PCDHGA7: variants seen among roughly 807,000 people sequenced by gnomAD.
The protein encoded by PCDHGA7 is protocadherin gamma subfamily A, 7, also known as protocadherin gamma-A7.
In PCDHGA7, 44 loss-of-function variants were observed where a neutral mutation model predicts 58.3. The observed-to-expected ratio is 0.75, with a 90% CI of 0.59 to 0.97. PCDHGA7 has a LOEUF of 0.97. PCDHGA7 is among the 50% of genes least tolerant of loss of function. The pLI is 0.00. For synonymous variants in PCDHGA7, 516 were observed against 504.2 expected, an observed-to-expected ratio of 1.02 and a Z score of -0.31; for missense variants, 1,266 against 1,188.7, an observed-to-expected ratio of 1.06 and a Z score of -0.96.
chr5:141,489,707 G>A lies in PCDHGA7; in HGVS notation c.2425-5100G>A. 6.2e-7 allele frequency: 1 copy of A among 1,614,194 alleles called. No individual in the cohort carries two copies. Among genetic ancestry groups the A allele is most frequent in the Non-Finnish European group, 8.5e-7 (1 of 1,180,022 alleles). The stretch of plus-strand genomic sequence containing the variant: ...TCTGGGGCACGATTCCCACTGGACA[G>A]TGCCCAGGATCCGGATGTGGGCACC... On this transcript the variant is annotated intron_variant, in intron 1 of 3. Transcript: ENST00000518325. The surrounding 1 kb of genome is among the most constrained non-coding windows in gnomAD (Gnocchi z 4.5).
chr5:141,393,917 C>T (rs1429211009), intron 1 of PCDHGA7: 12 of 1,613,806 alleles, frequency 7.4e-6, no homozygotes, highest in Non-Finnish European at 1.7e-6. Context: ...TAATTGCCTT[C>T]TTGAGTGTGC....
At chr5:141,400,929 A>G (rs1179035412) in intron 1 of PCDHGA7, among the ~76,000 whole-genome samples, 2 of 152,214 alleles carry the variant, frequency 1.3e-5, no homozygotes, top group Non-Finnish European at 2.9e-5. Flanking sequence ...CTGCTAGTAG[A>G]TGTCTTTCTT....
chr5:141,505,143 C>G lies in PCDHGA7; in HGVS notation c.2484-250C>G, dbSNP rs578261428. ...CGCCACTGCACTCCAGCCTGGATGA[C>G]AGAGTAAGACCCTGTCTAAAACAAA... On this transcript the variant is annotated intron_variant, in intron 2 of 3. Coordinates refer to ENST00000518325, the MANE Select transcript of PCDHGA7 (RefSeq NM_018920.4). Among the ~76,000 whole-genome samples the G allele has an allele frequency of 3.3e-5, 5 of 152,290 alleles. No homozygotes were observed. The East Asian group carries it at 7.7e-4, about 24-fold the overall frequency.
intron 1 of PCDHGA7, chr5:141,404,276 G>A (rs754510135): frequency 6.2e-7 from 1 of 1,613,992 alleles, no homozygotes; most frequent in Non-Finnish European, 8.5e-7. Context: ...CACCCTGCAA[G>A]TGACTGACAT....
intron 1 of PCDHGA7, among the ~76,000 whole-genome samples, chr5:141,455,146 A>G (rs2098814943): frequency 6.7e-6 from 1 of 149,242 alleles, no homozygotes; most frequent in South Asian, 2.1e-4. Flanking sequence ...TGTTAAATAA[A>G]TATTAGTTTG....
chr5:141,500,176 A>ATTTT (rs1468241826), intron 2 of PCDHGA7, among the ~76,000 whole-genome samples: 91 of 145,916 alleles, frequency 6.2e-4, no homozygotes, highest in African/African-American at 2.3e-3. Context: ...CATGAGCTTC[A>ATTTT]TTTTTATTTT....
intron 1 of PCDHGA7, chr5:141,402,911 C>T: frequency 1.3e-6 from 2 of 1,551,976 alleles, no homozygotes; most frequent in South Asian, 1.2e-5. Context: ...TGAAGCAGCG[C>T]GCACAGAGAT....
chr5:141,423,832 T>G, intron 1 of PCDHGA7: 113 of 1,253,376 alleles, frequency 9.0e-5, no homozygotes, highest in East Asian at 2.6e-4. Context: ...TTTCATGAGA[T>G]TACGATAATC....
At position 141,490,524 on chromosome 5, in the gene PCDHGA7, T is replaced by C. The variant is rs1197866164; in HGVS notation, c.2425-4283T>C. The C allele has an allele frequency of 1.2e-6, 2 of 1,613,990 alleles. No homozygotes were observed. Among genetic ancestry groups the C allele is most frequent in the Non-Finnish European group, 1.7e-6 (2 of 1,180,018 alleles). On this transcript the variant is annotated intron_variant, in intron 1 of 3. Transcript: ENST00000518325. The surrounding 1 kb of genome is among the most constrained non-coding windows in gnomAD (Gnocchi z 5.4). ...ATATCATCGAGCTGCTGGCCAGCGA[T>C]GCTGGTTCACCTTCCCTACACAAAC...
chr5:141,443,938 G>T (rs1330111540), intron 1 of PCDHGA7, among the ~76,000 whole-genome samples: 1 of 152,014 alleles, frequency 6.6e-6, no homozygotes, highest in Non-Finnish European at 1.5e-5. Context: ...CTCACAGCAG[G>T]TTTCCTTATT....
Position 141,501,335 on chromosome 5 carries a change from C to A in PCDHGA7, c.2484-4058C>A, listed in dbSNP as rs977626682. 1.5e-4 allele frequency among the ~76,000 whole-genome samples: 20 copies of A among 135,718 alleles called. No individual in the cohort carries two copies. In the East Asian group the frequency reaches 2.2e-3, roughly 15 times the overall value. The allele number at this position is 135,718 out of a possible 152,430, so 89.0% of individuals were successfully genotyped here. The stretch of plus-strand genomic sequence containing the variant: ...CACACACACACACACACACACACAC[C>A]CCAAACTCAATAGGGCAAGAACCAT... On this transcript the variant is annotated intron_variant, in intron 2 of 3. Transcript: ENST00000518325.
chr5:141,388,334 A>G (rs2091318945), intron 1 of PCDHGA7: 2 of 1,613,972 alleles, frequency 1.2e-6, no homozygotes, highest in South Asian at 1.1e-5. Flanking sequence ...AGCCTGGCAC[A>G]CGATTTATAT....
In PCDHGA7 at chr5:141,422,867, T is replaced by C. The variant is rs116031289; in HGVS notation, c.2424+37544T>C. On this transcript the variant is annotated intron_variant, in intron 1 of 3. Coordinates refer to ENST00000518325, the MANE Select transcript of PCDHGA7 (RefSeq NM_018920.4). Reference sequence around the variant, plus strand: ...GGGGACCCGCCCCTCAGCAGCAACGTGTCGCTGAGCCTGTTCGTGCTGGAC... The same window carrying C: ...GGGGACCCGCCCCTCAGCAGCAACGCGTCGCTGAGCCTGTTCGTGCTGGAC... 1.5e-3 allele frequency: 2,464 copies of C among 1,614,218 alleles called. 37 individuals are homozygous for C. In the African/African-American group the frequency reaches 0.029, roughly 19 times the overall value.
At chr5:141,419,724 G>T in intron 1 of PCDHGA7, 1 of 1,613,488 alleles carries the variant, frequency 6.2e-7, no homozygotes, top group Non-Finnish European at 8.5e-7. Flanking sequence ...CTGGGGCTGC[G>T]AACAGGCGAG....
chr5:141,496,589 G>A (rs914585858), intron 2 of PCDHGA7, among the ~76,000 whole-genome samples: 7 of 152,124 alleles, frequency 4.6e-5, no homozygotes, highest in Admixed American at 6.5e-5. Flanking sequence ...AACGCAAAGC[G>A]CTTCTTAGAA....
chr5:141,476,146 G>C lies in PCDHGA7; in HGVS notation c.2425-18661G>C. 1 of 1,611,402 alleles carries C rather than the reference G, an allele frequency of 6.2e-7. No individual in the cohort carries two copies. On this transcript the variant is annotated intron_variant, in intron 1 of 3. Transcript: ENST00000518325. This position sits in a 1 kb window ranked among gnomAD's most constrained non-coding sequence, Gnocchi z 7.6. ...TCCCAGAGGCCTGGAGGAGCGGACT[G>C]GTAAGCACCGGGAGGGTAGTGGGAG...
chr5:141,479,469 C>T lies in PCDHGA7; in HGVS notation c.2425-15338C>T, dbSNP rs1218436564. 8 of 152,344 alleles carry T rather than the reference C, an allele frequency of 5.3e-5. No homozygotes were observed. In the East Asian group the frequency reaches 1.5e-3, roughly 29 times the overall value. 9.4% of individuals were successfully genotyped at this position (152,344 alleles called of 1,614,324 possible). On this transcript the variant is annotated intron_variant, in intron 1 of 3. Transcript: ENST00000518325. ...AAGTTCAGCATGAATACAGTGACCT[C>T]TTGGGAGGGCAGGACCATCAGGTTG...
chr5:141,422,877 C>A, intron 1 of PCDHGA7: 1 of 1,614,246 alleles, frequency 6.2e-7, no homozygotes. Context: ...TGTCGCTGAG[C>A]CTGTTCGTGC....
chr5:141,416,378 A>C (rs2096019434), intron 1 of PCDHGA7: 1 of 152,230 alleles, frequency 6.6e-6, no homozygotes, highest in South Asian at 2.1e-4. Flanking sequence ...GAAATTAAGA[A>C]TATTTGGGAT....
Sources: allele counts gnomAD v4.1 joint callset (sites outside exome capture counted in the v4.1 genomes callset), GRCh38; gene constraint gnomAD v4.1.1; non-coding constraint Gnocchi (gnomAD v3.1); transcripts MANE v1.5; gene names NCBI Gene and HGNC (gene_info 2026-07-23, HGNC 2026-07-21).